The following SPPL3 variants were observed in gnomAD, a reference collection of about 807,000 sequenced individuals.
SPPL3 encodes signal peptide peptidase-like 3.
SPPL3 carries 5 observed loss-of-function variants against 42.4 expected under a neutral mutation model. The ratio of observed to expected loss-of-function variants is 0.12; its 90% confidence interval spans 0.06 to 0.25. SPPL3 has a LOEUF of 0.25. Ranked by LOEUF, SPPL3 falls within the 10% of genes least tolerant of loss-of-function variation. The pLI is 1.00. For missense variants in SPPL3, 235 were observed against 489.0 expected, an observed-to-expected ratio of 0.48 and a Z score of 4.90; for synonymous variants, 195 against 181.8, an observed-to-expected ratio of 1.07 and a Z score of -0.58.
chr12:120,782,479 C>T (rs1869577462), intron 6 of SPPL3, among the ~76,000 whole-genome samples, 176 bp downstream of exon 6: 1 of 152,086 alleles, frequency 6.6e-6, no homozygotes, highest in Non-Finnish European at 1.5e-5. Context: ...CTAGTGGATA[C>T]CTGGGGCTGG....
chr12:120,787,038 A>T (rs2136981948), intron 3 of SPPL3, among the ~76,000 whole-genome samples: 1 of 152,348 alleles, frequency 6.6e-6, no homozygotes, highest in East Asian at 1.9e-4. Flanking sequence ...GGCTAAATGT[A>T]CGTCTGGTAT....
rs11341939 is a variant in SPPL3, at chr12:120,826,292, C to CA, written c.24-15407dup. Among the ~76,000 whole-genome samples, 960 of 118,586 alleles carry CA rather than the reference C, an allele frequency of 8.1e-3. 12 individuals are homozygous for CA. Among genetic ancestry groups the CA allele is most frequent in the African/African-American group, 0.025 (789 of 31,368 alleles). 77.8% of individuals were successfully genotyped at this position (118,586 alleles called of 152,430 possible). A position where few individuals can be genotyped will look rare whatever the true frequency, so the allele number is the denominator to read the frequency against. On this transcript the variant is annotated intron_variant, in intron 1 of 10. Coordinates refer to ENST00000353487, the MANE Select transcript of SPPL3 (RefSeq NM_139015.5). ...TGGGCAACAAGATTGAAACTGTCTC[C>CA]AAAAAAAAAAAAAAAAAAAGAAAGC...
At chr12:120,787,939 T>G (rs1009553981) in intron 3 of SPPL3, among the ~76,000 whole-genome samples, 2 of 152,202 alleles carry the variant, frequency 1.3e-5, no homozygotes, top group Non-Finnish European at 2.9e-5. Context: ...TTGTTTCCAA[T>G]TTTTTGGTTA....
chr12:120,894,328 A>C (rs1439298502), intron 1 of SPPL3, among the ~76,000 whole-genome samples: 1 of 152,148 alleles, frequency 6.6e-6, no homozygotes, highest in Non-Finnish European at 1.5e-5. Flanking sequence ...CCATCTCAAA[A>C]ACAAACAAAC....
Position 120,764,631 on chromosome 12 carries a change from T to A in SPPL3, c.*368A>T, listed in dbSNP as rs1868809173. 2.6e-6 allele frequency: 1 copy of A among 378,834 alleles called. No homozygotes were observed. The highest frequency in any genetic ancestry group is 2.1e-5 in the African/African-American group (1 of 48,318). 23.5% of individuals were successfully genotyped at this position (378,834 alleles called of 1,614,324 possible). On this transcript the variant is annotated 3_prime_UTR_variant, in exon 11 of 11. Coordinates refer to ENST00000353487, the MANE Select transcript of SPPL3 (RefSeq NM_139015.5). ...CGGTTTGCTAATTTTTTTCATCCTT[T>A]TAGTGTTCAAAAGTTCTAGAAAGAC...
At chr12:120,773,246 A>G (rs188790748) in intron 6 of SPPL3, among the ~76,000 whole-genome samples, 2 of 152,362 alleles carry the variant, frequency 1.3e-5, no homozygotes, top group African/African-American at 4.8e-5. Flanking sequence ...TCATGAGTCA[A>G]TAACCAGGAC....
chr12:120,903,723 C>T, intron 1 of SPPL3, 122 bp downstream of exon 1: 1 of 674,542 alleles, frequency 1.5e-6, no homozygotes, highest in Non-Finnish European at 2.3e-6. Context: ...GGCGTGCACC[C>T]CAACCCGCGC....
At chr12:120,792,680 C>T (rs1440911000) in intron 2 of SPPL3, among the ~76,000 whole-genome samples, 1 of 116,944 alleles carries the variant, frequency 8.6e-6, no homozygotes, top group Non-Finnish European at 1.7e-5. Flanking sequence ...GGCCTGGCAA[C>T]AGAGTGAGAC....
chr12:120,810,381 G>T (rs1207843939), intron 2 of SPPL3, among the ~76,000 whole-genome samples: 3 of 139,304 alleles, frequency 2.2e-5, no homozygotes, highest in African/African-American at 5.9e-5. Flanking sequence ...TTTCATTTTT[G>T]GTTAGAAAAA....
intron 1 of SPPL3, among the ~76,000 whole-genome samples, chr12:120,903,117 T>C (rs946807563): frequency 6.6e-6 from 1 of 152,154 alleles, no homozygotes; most frequent in Non-Finnish European, 1.5e-5. Context: ...CTGGGCGCCA[T>C]TCCTCTGAAA....
In SPPL3 at chr12:120,903,875, C is replaced by A; in HGVS notation, c.-8G>T. 1 of 1,444,240 alleles carries A rather than the reference C, an allele frequency of 6.9e-7. No individual in the cohort carries two copies. Among genetic ancestry groups the A allele is most frequent in the Non-Finnish European group, 9.1e-7 (1 of 1,100,900 alleles). 89.5% of individuals were successfully genotyped at this position (1,444,240 alleles called of 1,614,324 possible). On this transcript the variant is annotated 5_prime_UTR_variant, in exon 1 of 11. Coordinates refer to ENST00000353487, the MANE Select transcript of SPPL3 (RefSeq NM_139015.5). ...GTAGGTCTGCTCCGCCATGGCGCTGCCTCTCGTGGGCTCCGCTGCAGGCTG... is the reference window on the plus strand; with the variant it reads ...GTAGGTCTGCTCCGCCATGGCGCTGACTCTCGTGGGCTCCGCTGCAGGCTG...
At chr12:120,784,635 C>A in intron 3 of SPPL3, 42 bp from the exon 4 acceptor site, 1 of 1,520,946 alleles carries the variant, frequency 6.6e-7, no homozygotes, top group East Asian at 2.3e-5. Flanking sequence ...TATTATGCAC[C>A]AGGCACTGTG....
chr12:120,767,457 T>C lies in SPPL3; in HGVS notation c.910A>G (p.Asn304Asp). 1 of 1,614,130 alleles carries C rather than the reference T, an allele frequency of 6.2e-7. No individual in the cohort carries two copies. Among genetic ancestry groups the C allele is most frequent in the Non-Finnish European group, 8.5e-7 (1 of 1,180,036 alleles). ...ACCTTCTGCATGCGCCCGGAGATGT[T>C]GGCAGGTCCAGGGGCCCCACAGGAG... The part of the protein sequence containing the change: ...GDSCGAPGPA[N>D]ISGRMQKVSY... The change falls in exon 9 of 11, where the codon AAC (asparagine) becomes GAC (aspartate). Residue 304 changes from asparagine (N) to aspartate (D), a missense_variant. Coordinates refer to ENST00000353487, the MANE Select transcript of SPPL3 (RefSeq NM_139015.5).
At chr12:120,779,016 C>G (rs564527505) in intron 6 of SPPL3, among the ~76,000 whole-genome samples, 20 of 152,098 alleles carry the variant, frequency 1.3e-4, no homozygotes, top group African/African-American at 4.3e-4. Flanking sequence ...AGCCCAGGAG[C>G]TTGAGGTCAC....
intron 1 of SPPL3, among the ~76,000 whole-genome samples, chr12:120,876,808 TACACACACACACACACACACACACAC>T (rs71076677): frequency 6.8e-6 from 1 of 146,592 alleles, no homozygotes; most frequent in South Asian, 2.2e-4. Flanking sequence ...GAGAAACACA[TACACACACACACACACACACACACAC>T]ACACACACAA....
chr12:120,782,810 T>C, intron 5 of SPPL3, 43 bp from the exon 6 acceptor site: 1 of 1,399,590 alleles, frequency 7.1e-7, no homozygotes, highest in African/African-American at 1.4e-5. Flanking sequence ...GCACACTTTA[T>C]TCAGTAACCA....
chr12:120,822,603 CCTTA>C (rs1420124641), intron 1 of SPPL3, among the ~76,000 whole-genome samples: 5 of 152,090 alleles, frequency 3.3e-5, no homozygotes, highest in Admixed American at 6.5e-5. Flanking sequence ...ACAGTTCATC[CCTTA>C]CTTCTATCAG....
intron 1 of SPPL3, among the ~76,000 whole-genome samples, chr12:120,885,694 G>A (rs1489222208): frequency 6.6e-6 from 1 of 151,888 alleles, no homozygotes; most frequent in Non-Finnish European, 1.5e-5. Context: ...CTACAACTAT[G>A]GTTACTAAGG....
At chr12:120,769,372 C>T (rs1869031526) in intron 6 of SPPL3, 1 of 238,338 alleles carries the variant, frequency 4.2e-6, no homozygotes, top group Non-Finnish European at 8.3e-6. Flanking sequence ...GATGTGTTGT[C>T]CTTGCTCCCT....
Sources: gnomAD v4.1 joint callset for allele counts (sites outside exome capture counted in the v4.1 genomes callset) on GRCh38, gnomAD v4.1.1 for gene constraint, MANE v1.5 for transcripts, NCBI Gene and HGNC (gene_info 2026-07-23, HGNC 2026-07-21) for gene names.